Variants in ATXN1 observed in about 807,000 individuals in gnomAD.
ATXN1 encodes the protein ataxin-1.
In ATXN1, 8 loss-of-function variants were observed where a neutral mutation model predicts 56.4. The observed-to-expected ratio is 0.14, with a 90% CI of 0.08 to 0.26. The LOEUF (loss-of-function observed/expected upper bound fraction) is 0.26. Ranked by LOEUF, ATXN1 falls within the 10% of genes least tolerant of loss-of-function variation. The pLI, the probability that ATXN1 is intolerant of heterozygous loss-of-function variation, is 1.00. For synonymous variants in ATXN1, 514 were observed against 494.6 expected, an observed-to-expected ratio of 1.04 and a Z score of -0.52; for missense variants, 987 against 1,106.5, an observed-to-expected ratio of 0.89 and a Z score of 1.53.
At chr6:16,358,781 T>C (rs915798214) in intron 6 of ATXN1, among the ~76,000 whole-genome samples, 1 of 152,170 alleles carries the variant, frequency 6.6e-6, no homozygotes, top group African/African-American at 2.4e-5. Flanking sequence ...AAACTGCAGC[T>C]GTAGATCCGA....
rs144220619 is a variant in ATXN1 at position 16,560,193 on chromosome 6, C to T, written c.-361+25587G>A. Among the ~76,000 whole-genome samples, 255 of 152,146 alleles carry T rather than the reference C, an allele frequency of 1.7e-3. 1 individual carries two copies. Among genetic ancestry groups the T allele is most frequent in the African/African-American group, 5.7e-3 (235 of 41,492 alleles). The stretch of plus-strand genomic sequence containing the variant: ...CAATGGTCATCAGTTAGGGTTAGAA[C>T]GAAAACAGCTGTAAAAATGTCCTGA... On this transcript the variant is annotated intron_variant, in intron 4 of 7. Coordinates refer to ENST00000436367, the MANE Select transcript of ATXN1 (RefSeq NM_001128164.2).
intron 6 of ATXN1, among the ~76,000 whole-genome samples, chr6:16,415,310 A>G (rs1342448249): frequency 6.6e-6 from 1 of 152,056 alleles, no homozygotes; most frequent in African/African-American, 2.4e-5. Context: ...GCTCACTGCA[A>G]CCTCTGCCTC....
At chr6:16,430,053 G>A (rs1759246781) in intron 6 of ATXN1, among the ~76,000 whole-genome samples, 1 of 152,078 alleles carries the variant, frequency 6.6e-6, no homozygotes, top group Admixed American at 6.6e-5. Flanking sequence ...TTTTGTGGCG[G>A]GTGTTGAGAC....
intron 6 of ATXN1, among the ~76,000 whole-genome samples, chr6:16,446,565 A>G (rs1759640439): frequency 1.3e-5 from 2 of 152,256 alleles, no homozygotes; most frequent in African/African-American, 4.8e-5. Context: ...TTTTACATAC[A>G]GTATGCAGGT....
In ATXN1 at chr6:16,399,451, T is replaced by C. The variant is rs527464183; in HGVS notation, c.-160-70981A>G. ...AGGACACCTTAAAGTAATCAGGCCG[T>C]CAAATAAAGGCAAACACTTTCTCAA... On this transcript the variant is annotated intron_variant, in intron 6 of 7. Transcript: ENST00000436367. Among the ~76,000 whole-genome samples the C allele has an allele frequency of 4.6e-5, 7 of 152,218 alleles. 1 individual carries two copies. In the South Asian group the frequency reaches 1.0e-3, roughly 23 times the overall value.
rs552861705 is a variant in ATXN1, at chr6:16,618,259, G to A, written c.-488-32352C>T. ...AGGGGAACATCACACACCGGGGCCT[G>A]TCGGAGGGAGGGACAAGGGGAGGAA... On this transcript the variant is annotated intron_variant, in intron 3 of 7. Coordinates refer to ENST00000436367, the MANE Select transcript of ATXN1 (RefSeq NM_001128164.2). 1.5e-4 allele frequency among the ~76,000 whole-genome samples: 23 copies of A among 152,224 alleles called. No individual in the cohort carries two copies. The South Asian group carries it at 3.5e-3, about 23-fold the overall frequency.
At chr6:16,638,489 A>G (rs1212102526) in intron 3 of ATXN1, among the ~76,000 whole-genome samples, 1 of 151,914 alleles carries the variant, frequency 6.6e-6, no homozygotes, top group Non-Finnish European at 1.5e-5. Context: ...TTATCAACAT[A>G]AAATTAGGTA....
At chr6:16,674,435 C>T (rs763972028) in intron 2 of ATXN1, among the ~76,000 whole-genome samples, 2 of 148,280 alleles carry the variant, frequency 1.3e-5, no homozygotes, top group African/African-American at 2.5e-5. Context: ...CTGCAAGCTC[C>T]GCCTCATGGG....
At chr6:16,676,720 T>G (rs1189576954) in intron 2 of ATXN1, among the ~76,000 whole-genome samples, 1 of 152,190 alleles carries the variant, frequency 6.6e-6, no homozygotes, top group Non-Finnish European at 1.5e-5. Flanking sequence ...AAATTAAAGT[T>G]TCGGTTATGG....
intron 6 of ATXN1, among the ~76,000 whole-genome samples, chr6:16,413,650 A>C (rs1758846631): frequency 6.6e-6 from 1 of 152,232 alleles, no homozygotes; most frequent in Admixed American, 6.5e-5. Context: ...CTGAATCGGC[A>C]ATGTGGGCCT....
chr6:16,596,528 G>A (rs1231112928), intron 3 of ATXN1, among the ~76,000 whole-genome samples: 3 of 151,848 alleles, frequency 2.0e-5, no homozygotes, highest in Non-Finnish European at 4.4e-5. Context: ...AAAAATCTTT[G>A]ATTTAAAAAT....
chr6:16,405,118 T>C (rs571421248), intron 6 of ATXN1, among the ~76,000 whole-genome samples: 4 of 152,318 alleles, frequency 2.6e-5, no homozygotes, highest in South Asian at 2.1e-4. Context: ...TAGAGTTTGA[T>C]ATGAACATTA....
rs758797175 is a variant in ATXN1 at position 16,327,021 on chromosome 6, G to A, written c.1290C>T (p.Pro430=). ...KPGHRSYALS[P]HTVIQTTHSA... is the part of the protein sequence containing the mutation. Reference sequence around the variant, plus strand: ...TGTGTGTGGTCTGAATGACCGTGTGGGGTGAGAGCGCGTAGGACCGGTGGC... The same window carrying A: ...TGTGTGTGGTCTGAATGACCGTGTGAGGTGAGAGCGCGTAGGACCGGTGGC... Residue 430 remains proline (P), a synonymous_variant, in exon 7 of 8, where the codon CCC becomes CCT. Transcript: ENST00000436367. The A allele has an allele frequency of 6.8e-6, 11 of 1,614,044 alleles. No homozygotes were observed. The highest frequency in any genetic ancestry group is 6.8e-6 in the Non-Finnish European group (8 of 1,180,036).
At chr6:16,633,549 G>A (rs1410018192) in intron 3 of ATXN1, among the ~76,000 whole-genome samples, 1 of 152,110 alleles carries the variant, frequency 6.6e-6, no homozygotes, top group African/African-American at 2.4e-5. Context: ...CCTACTATCT[G>A]CAGCCTCAAA....
At chr6:16,630,084 A>G (rs1465498015) in intron 3 of ATXN1, among the ~76,000 whole-genome samples, 2 of 152,104 alleles carry the variant, frequency 1.3e-5, no homozygotes, top group Non-Finnish European at 2.9e-5. Context: ...TGTCATATAA[A>G]TCATGTCTGT....
At chr6:16,415,269 GC>G (rs1318386164) in intron 6 of ATXN1, among the ~76,000 whole-genome samples, 7 of 152,118 alleles carry the variant, frequency 4.6e-5, no homozygotes, top group African/African-American at 1.7e-4. Context: ...TCACTCTGTC[GC>G]CCAGACTGGA....
intron 4 of ATXN1, among the ~76,000 whole-genome samples, chr6:16,584,291 T>TAC (rs1181318817): frequency 2.1e-5 from 3 of 141,906 alleles, no homozygotes; most frequent in South Asian, 2.2e-4. Context: ...TATATATATA[T>TAC]ACACACACAC....
At chr6:16,319,942 C>T (rs1383958416) in intron 7 of ATXN1, among the ~76,000 whole-genome samples, 1 of 151,598 alleles carries the variant, frequency 6.6e-6, no homozygotes, top group Non-Finnish European at 1.5e-5. Context: ...TTTCCAGCAC[C>T]AGAACAGACA....
chr6:16,452,054 A>G (rs376191811), intron 6 of ATXN1, among the ~76,000 whole-genome samples: 25 of 152,192 alleles, frequency 1.6e-4, no homozygotes, highest in African/African-American at 5.8e-4. Flanking sequence ...CTTTTTGCCT[A>G]TAACACACGA....
Sources: gnomAD v4.1 joint callset for allele counts (sites outside exome capture counted in the v4.1 genomes callset) on GRCh38, gnomAD v4.1.1 for gene constraint, MANE v1.5 for transcripts, NCBI Gene and HGNC (gene_info 2026-07-23, HGNC 2026-07-21) for gene names.